PXK: variants seen among roughly 807,000 people sequenced by gnomAD.
PXK encodes PX domain-containing protein kinase-like protein.
Under a neutral mutation model 84.7 loss-of-function variants are expected in PXK, and 35 were observed. The observed-to-expected ratio is 0.41, with a 90% CI of 0.32 to 0.55. PXK has a LOEUF of 0.55. Among genes scored for constraint, PXK ranks in the 20% least tolerant of loss-of-function variants. The pLI, the probability that PXK is intolerant of heterozygous loss-of-function variation, is 0.21. For missense variants in PXK, 634 were observed against 699.7 expected (o/e 0.91, Z 1.06); for synonymous variants, 253 against 260.8 (o/e 0.97, Z 0.29).
chr3:58,333,087 C>T lies in PXK; in HGVS notation c.99C>T (p.His33=), dbSNP rs1226894338. Residue 33 remains histidine, a synonymous_variant, in exon 1 of 18, where the codon CAC becomes CAT. Coordinates refer to ENST00000356151, the MANE Select transcript of PXK (RefSeq NM_017771.5). This position sits in a 1 kb window ranked among gnomAD's most constrained non-coding sequence, Gnocchi z 5.4. The part of the protein sequence containing the change: ...AIEASQSLQS[H]TEYIIRVQRG... ...AGGCGAGCCAGAGCCTGCAGTCCCA[C>T]ACGGTGCGCGGCCCAGCGGGCGGGC... The T allele has an allele frequency of 2.4e-6, 3 of 1,249,726 alleles. No individual in the cohort carries two copies. Among genetic ancestry groups the T allele is most frequent in the Admixed American group, 3.1e-5 (1 of 32,074 alleles). 77.4% of individuals were successfully genotyped at this position (1,249,726 alleles called of 1,614,324 possible). A position where few individuals can be genotyped will look rare whatever the true frequency, so the allele number is the denominator to read the frequency against.
At chr3:58,406,186 C>T (rs1389057712) in intron 13 of PXK, among the ~76,000 whole-genome samples, 2 of 152,004 alleles carry the variant, frequency 1.3e-5, no homozygotes, top group African/African-American at 4.8e-5. Context: ...AGGCTGGTCT[C>T]GACCTCAGGT....
In PXK at chr3:58,399,305, T is replaced by C. The variant is rs2058205353; in HGVS notation, c.1109T>C (p.Val370Ala). ...TGTATCTGTTCATTTCAAGTGGCCGTGTTGGAGTCTACGCTGTCTTGTGAA... is the reference window on the plus strand; with the variant it reads ...TGTATCTGTTCATTTCAAGTGGCCGCGTTGGAGTCTACGCTGTCTTGTGAA... ...PPAPSMAVVA[V>A]LESTLSCEAC... The change falls in exon 12 of 18, where the codon GTG becomes GCG. Residue 370 changes from valine (V) to alanine (A), a missense_variant. Physicochemically the swap from Val to Ala is moderately conservative, Grantham distance 64. This residue lies in a region of PXK where 273 missense variants were observed against 283.6 expected (regional missense o/e 0.96). Transcript: ENST00000356151. This position sits in a 1 kb window ranked among gnomAD's most constrained non-coding sequence, Gnocchi z 4.3. 6.2e-7 allele frequency: 1 copy of C among 1,613,938 alleles called. No homozygotes were observed. Among genetic ancestry groups the C allele is most frequent in the African/African-American group, 1.3e-5 (1 of 74,934 alleles).
intron 3 of PXK, among the ~76,000 whole-genome samples, chr3:58,375,280 T>C (rs998558440): frequency 6.6e-6 from 1 of 152,208 alleles, no homozygotes; most frequent in African/African-American, 2.4e-5. Flanking sequence ...TAATGGTATT[T>C]TAAAAATCCT....
chr3:58,423,968 C>G (rs555715403), intron 17 of PXK, among the ~76,000 whole-genome samples: 1 of 152,324 alleles, frequency 6.6e-6, no homozygotes, highest in African/African-American at 2.4e-5. Flanking sequence ...CTAGTTTCTC[C>G]TGATGCTTCG....
chr3:58,367,681 G>GTTTTTA (rs1193299548), intron 2 of PXK, among the ~76,000 whole-genome samples: 1 of 152,064 alleles, frequency 6.6e-6, no homozygotes, highest in African/African-American at 2.4e-5. Context: ...ATTTCTTTAT[G>GTTTTTA]TTTTTATTTT....
At chr3:58,380,262 A>G (rs1195753931) in intron 3 of PXK, among the ~76,000 whole-genome samples, 1 of 151,326 alleles carries the variant, frequency 6.6e-6, no homozygotes, top group Non-Finnish European at 1.5e-5. Context: ...AACAACAAAA[A>G]ATGGATCAAG....
intron 3 of PXK, among the ~76,000 whole-genome samples, chr3:58,380,805 G>C (rs935035190): frequency 6.6e-6 from 1 of 151,996 alleles, no homozygotes; most frequent in Non-Finnish European, 1.5e-5. Flanking sequence ...AGTAAGTAAA[G>C]AAAGAAATAG....
At chr3:58,376,423 A>G (rs2098443105) in intron 3 of PXK, among the ~76,000 whole-genome samples, 1 of 152,116 alleles carries the variant, frequency 6.6e-6, no homozygotes, top group Non-Finnish European at 1.5e-5. Flanking sequence ...CTAAAAATAA[A>G]TAAATAAATA....
intron 4 of PXK, among the ~76,000 whole-genome samples, chr3:58,388,942 G>C (rs1366776817): frequency 6.6e-6 from 1 of 152,022 alleles, no homozygotes; most frequent in Non-Finnish European, 1.5e-5. Flanking sequence ...AAATTCCACA[G>C]TGCATTTGGA....
intron 3 of PXK, among the ~76,000 whole-genome samples, chr3:58,377,973 G>T (rs923776750): frequency 2.0e-4 from 30 of 152,204 alleles, no homozygotes; most frequent in African/African-American, 7.2e-4. Context: ...TGAAGGTCAA[G>T]GAGTTGCAAG....
In PXK at chr3:58,398,753, T is replaced by C. The variant is rs1418882678; in HGVS notation, c.1103-546T>C. ...CAAGTCCACCCTTCACCAAGCGTTATTGTGTCAAAAGAGGCAATTCAAGAG... is the reference window on the plus strand; with the variant it reads ...CAAGTCCACCCTTCACCAAGCGTTACTGTGTCAAAAGAGGCAATTCAAGAG... On this transcript the variant is annotated intron_variant, in intron 11 of 17. Transcript: ENST00000356151. The surrounding 1 kb of genome is among the most constrained non-coding windows in gnomAD (Gnocchi z 4.5). 6.6e-6 allele frequency among the ~76,000 whole-genome samples: 1 copy of C among 152,156 alleles called. No individual in the cohort carries two copies. The highest frequency in any genetic ancestry group is 1.5e-5 in the Non-Finnish European group (1 of 68,018).
intron 1 of PXK, among the ~76,000 whole-genome samples, chr3:58,355,057 A>G (rs2098040937): frequency 6.6e-6 from 1 of 151,896 alleles, no homozygotes; most frequent in African/African-American, 2.4e-5. Flanking sequence ...AGACAGAGGC[A>G]GAGGTTACAG....
At chr3:58,346,792 G>T (rs2097828803) in intron 1 of PXK, among the ~76,000 whole-genome samples, 1 of 147,048 alleles carries the variant, frequency 6.8e-6, no homozygotes. Context: ...TGAGTAACTA[G>T]GACCACAGCC....
chr3:58,403,730 GGGC>G (rs1198835363), intron 12 of PXK, 129 bp from the exon 13 acceptor site: 1 of 436,130 alleles, frequency 2.3e-6, no homozygotes, highest in Non-Finnish European at 4.0e-6. Context: ...ATGGTGGATT[GGGC>G]CAGGGGCTGG....
intron 17 of PXK, among the ~76,000 whole-genome samples, chr3:58,415,534 C>T (rs968336588): frequency 6.6e-6 from 1 of 152,240 alleles, no homozygotes; most frequent in Admixed American, 6.5e-5. Flanking sequence ...CAGGAACCTC[C>T]GCATGTTCAG....
chr3:58,371,164 A>T (rs1378647389), intron 3 of PXK, among the ~76,000 whole-genome samples: 1 of 152,220 alleles, frequency 6.6e-6, no homozygotes, highest in Non-Finnish European at 1.5e-5. Flanking sequence ...CATTTGACAC[A>T]TAATGTCTTT....
intron 7 of PXK, among the ~76,000 whole-genome samples, chr3:58,394,456 G>T (rs2057318226): frequency 6.6e-6 from 1 of 152,196 alleles, no homozygotes; most frequent in Non-Finnish European, 1.5e-5. Flanking sequence ...CAGCTACTGT[G>T]GAAAGGGCTG....
At chr3:58,363,698 C>T (rs972124963) in intron 1 of PXK, among the ~76,000 whole-genome samples, 12 of 152,114 alleles carry the variant, frequency 7.9e-5, no homozygotes, top group Admixed American at 1.3e-4. Context: ...CCTAAAAATA[C>T]GAACAGTTTT....
intron 13 of PXK, among the ~76,000 whole-genome samples, chr3:58,405,276 CT>C (rs11447786): frequency 9.9e-5 from 15 of 151,282 alleles, no homozygotes; most frequent in Admixed American, 6.6e-4. Flanking sequence ...CTACTTACAG[CT>C]TTTTTTTTAA....
Sources: allele counts gnomAD v4.1 joint callset (sites outside exome capture counted in the v4.1 genomes callset), GRCh38; gene constraint gnomAD v4.1.1; regional missense constraint gnomAD v4.1.1; non-coding constraint Gnocchi (gnomAD v3.1); transcripts MANE v1.5; gene names NCBI Gene and HGNC (gene_info 2026-07-23, HGNC 2026-07-21).